TENM2: variants seen among roughly 807,000 people sequenced by gnomAD.
TENM2 encodes the protein teneurin-2.
TENM2 carries 52 observed loss-of-function variants against 245.2 expected under a neutral mutation model. The ratio of observed to expected loss-of-function variants is 0.21; its 90% CI spans 0.17 to 0.27. The LOEUF is 0.27. Among genes scored for constraint, TENM2 ranks in the 10% least tolerant of loss-of-function variants. TENM2 has a pLI of 1.00. For missense variants in TENM2, 3,046 were observed against 3,666.8 expected, an observed-to-expected ratio of 0.83 and a Z score of 4.37; for synonymous variants, 1,363 against 1,438.9, an observed-to-expected ratio of 0.95 and a Z score of 1.19.
chr5:167,727,193 T>A (rs1760079694), intron 2 of TENM2, among the ~76,000 whole-genome samples: 1 of 140,786 alleles, frequency 7.1e-6, no homozygotes, highest in South Asian at 2.4e-4. Context: ...CACTGCAAGC[T>A]CCATCTCCCG....
rs1757840481 is a variant in TENM2, at chr5:168,162,550, C to G, written c.2423-61C>G. 4.4e-6 allele frequency: 7 copies of G among 1,577,446 alleles called. No individual in the cohort carries two copies. The South Asian group carries it at 7.0e-5, about 16-fold the overall frequency. On this transcript the variant is annotated intron_variant, in intron 12 of 28. Coordinates refer to ENST00000518659, the Ensembl canonical transcript of TENM2. ...GGCCTTGCTCCCCTCTGCATGGCTC[C>G]CCTGCTTCCCCAGCGCGGCCTCACG...
At chr5:167,371,437 C>T (rs1760429271) in intron 1 of TENM2, among the ~76,000 whole-genome samples, 2 of 150,498 alleles carry the variant, frequency 1.3e-5, no homozygotes, top group Admixed American at 6.7e-5. Context: ...TCTCAGCTCA[C>T]CACAACCTCC....
chr5:167,793,184 C>T (rs1029859836), intron 2 of TENM2, among the ~76,000 whole-genome samples: 4 of 152,112 alleles, frequency 2.6e-5, no homozygotes, highest in Admixed American at 2.0e-4. Context: ...GCAAGCTGGG[C>T]TTTGAGATCA....
intron 2 of TENM2, among the ~76,000 whole-genome samples, chr5:167,556,978 A>T (rs73378980): frequency 0.031 from 4,645 of 152,274 alleles, 206 homozygotes; most frequent in African/African-American, 0.093. Context: ...ATTCTACCAG[A>T]ATGCACATTT....
At chr5:167,921,606 G>A (rs1418905536) in intron 3 of TENM2, among the ~76,000 whole-genome samples, 3 of 152,094 alleles carry the variant, frequency 2.0e-5, no homozygotes, top group African/African-American at 7.2e-5. Context: ...AAGACCCCCA[G>A]GTGGTACATA....
At chr5:167,978,977 C>G (rs1782638527) in intron 4 of TENM2, among the ~76,000 whole-genome samples, 1 of 152,152 alleles carries the variant, frequency 6.6e-6, no homozygotes, top group African/African-American at 2.4e-5. Flanking sequence ...TGTCTGTTCT[C>G]AAAACATTCC....
At chr5:168,233,219 A>C (rs1278953911) in intron 25 of TENM2, among the ~76,000 whole-genome samples, 1 of 152,080 alleles carries the variant, frequency 6.6e-6, no homozygotes, top group Admixed American at 6.5e-5. Flanking sequence ...CCAGCTACTC[A>C]GGAGGCTGAG....
At chr5:167,421,783 A>G (rs1763522254) in intron 2 of TENM2, among the ~76,000 whole-genome samples, 1 of 151,972 alleles carries the variant, frequency 6.6e-6, no homozygotes, top group Non-Finnish European at 1.5e-5. Context: ...TTTTGTTGGT[A>G]GTATTCTGTT....
intron 2 of TENM2, among the ~76,000 whole-genome samples, chr5:167,536,832 AC>A (rs1771882245): frequency 6.6e-6 from 1 of 152,138 alleles, no homozygotes; most frequent in Non-Finnish European, 1.5e-5. Context: ...AGCCTGGCCA[AC>A]ATGGTGAAGC....
chr5:167,312,867 G>A (rs1180188758), intron 1 of TENM2, among the ~76,000 whole-genome samples: 4 of 150,412 alleles, frequency 2.7e-5, no homozygotes, highest in East Asian at 2.0e-4. Context: ...AGAATCAAGC[G>A]ACAGGATAGC....
intron 2 of TENM2, among the ~76,000 whole-genome samples, chr5:167,399,629 T>C (rs1179142064): frequency 1.3e-5 from 2 of 152,310 alleles, no homozygotes; most frequent in East Asian, 3.9e-4. Context: ...CTCAGTTTTG[T>C]CACTTCCTAG....
the TENM2 span, among the ~76,000 whole-genome samples, chr5:167,146,388 C>T: frequency 6.6e-6 from 1 of 152,102 alleles, no homozygotes; most frequent in Non-Finnish European, 1.5e-5. Context: ...CTTTTCTGTC[C>T]AGACTTGGGA....
At chr5:167,596,520 G>T (rs1042836259) in intron 2 of TENM2, among the ~76,000 whole-genome samples, 1 of 152,144 alleles carries the variant, frequency 6.6e-6, no homozygotes, top group Non-Finnish European at 1.5e-5. Flanking sequence ...CAGGCCGGGC[G>T]CGGTGGCTCA....
chr5:167,905,482 C>G (rs1776021082), intron 3 of TENM2, among the ~76,000 whole-genome samples: 1 of 152,138 alleles, frequency 6.6e-6, no homozygotes. Context: ...TGAGATTTTT[C>G]AATGAGAGCA....
intron 7 of TENM2, among the ~76,000 whole-genome samples, chr5:168,067,379 C>T (rs1434883651): frequency 6.6e-6 from 1 of 152,146 alleles, no homozygotes; most frequent in Non-Finnish European, 1.5e-5. Flanking sequence ...TAAGAGACCA[C>T]AAATTGTCCC....
chr5:167,295,571 C>T (rs1389890144), intron 1 of TENM2, among the ~76,000 whole-genome samples: 2 of 152,140 alleles, frequency 1.3e-5, no homozygotes, highest in Non-Finnish European at 2.9e-5. Flanking sequence ...TGGCACTGCC[C>T]CACCCACTGA....
At chr5:168,126,576 A>G (rs1455976101) in intron 11 of TENM2, among the ~76,000 whole-genome samples, 178 bp from the exon 14 acceptor site, 1 of 152,180 alleles carries the variant, frequency 6.6e-6, no homozygotes, top group African/African-American at 2.4e-5. Flanking sequence ...TCACTTCTCT[A>G]GAAAAAAAGA....
chr5:168,248,601 T>C (rs1220674419), intron 27 of TENM2, among the ~76,000 whole-genome samples: 2 of 152,168 alleles, frequency 1.3e-5, no homozygotes, highest in African/African-American at 4.8e-5. Flanking sequence ...GTCCAGTCAG[T>C]TGAAATAACT....
At position 167,807,375 on chromosome 5, in the gene TENM2, G is replaced by C. The variant is rs150585861; in HGVS notation, c.503-68611G>C. On this transcript the variant is annotated intron_variant, in intron 2 of 28. Transcript: ENST00000518659. ...GAACATGCTAATAGGCTAAGCCTAA[G>C]GATGGGGCCATTCACCTTGCCCACT... Among the ~76,000 whole-genome samples the C allele has an allele frequency of 6.0e-3, 909 of 152,082 alleles. 7 individuals are homozygous for C. The highest frequency in any genetic ancestry group is 0.018 in the African/African-American group (761 of 41,512).
Sources: gnomAD v4.1 joint callset for allele counts (sites outside exome capture counted in the v4.1 genomes callset) on GRCh38, gnomAD v4.1.1 for gene constraint, MANE v1.5 for transcripts, NCBI Gene and HGNC (gene_info 2026-07-23, HGNC 2026-07-21) for gene names.